COL5A2: variants seen among roughly 807,000 people sequenced by gnomAD.
COL5A2 encodes the protein collagen type V alpha 2 chain, also known as collagen alpha-2(V) chain.
Under a neutral mutation model 208.2 loss-of-function variants are expected in COL5A2, and 23 were observed. The observed-to-expected ratio is 0.11, with a 90% confidence interval of 0.08 to 0.16. The LOEUF (loss-of-function observed/expected upper bound fraction) is 0.16, where lower values mean the gene tolerates loss of function less well. Ranked by LOEUF, COL5A2 falls within the 10% of genes least tolerant of loss-of-function variation. COL5A2 has a pLI of 1.00. For missense variants in COL5A2, 1,590 were observed against 1,956.4 expected, an observed-to-expected ratio of 0.81 and a Z score of 3.53; for synonymous variants, 625 against 628.5, an observed-to-expected ratio of 0.99 and a Z score of 0.08.
At chr2:189,289,069 C>T in the COL5A2 span, among the ~76,000 whole-genome samples, 4 of 152,132 alleles carry the variant, frequency 2.6e-5, no homozygotes. Flanking sequence ...TGGCTGGGCA[C>T]GGTGGCTCAC....
intron 1 of COL5A2, among the ~76,000 whole-genome samples, chr2:189,223,070 AAGTC>A (rs750626092): frequency 2.9e-4 from 44 of 152,194 alleles, no homozygotes; most frequent in Admixed American, 2.6e-4. Flanking sequence ...GGTTTTGTCT[AAGTC>A]AGTCCAGCTA....
At chr2:189,090,968 A>C (rs55633056) in intron 7 of COL5A2, among the ~76,000 whole-genome samples, 20,153 of 152,188 alleles carry the variant, frequency 0.13, 1,347 homozygotes, top group Middle Eastern at 0.19. Flanking sequence ...GCCCATGGAT[A>C]TAAATAAATT....
At chr2:189,119,685 G>C (rs938823104) in intron 1 of COL5A2, among the ~76,000 whole-genome samples, 6 of 151,986 alleles carry the variant, frequency 3.9e-5, no homozygotes, top group Non-Finnish European at 5.9e-5. Flanking sequence ...CCTGTGGAAA[G>C]ATTTAAAGTT....
chr2:189,364,837 G>C, the COL5A2 span, among the ~76,000 whole-genome samples: 1 of 152,130 alleles, frequency 6.6e-6, no homozygotes, highest in Non-Finnish European at 1.5e-5. Context: ...AACAGAAAAA[G>C]ACTTCAGGTA....
chr2:189,402,685 T>C, the COL5A2 span, among the ~76,000 whole-genome samples: 1 of 152,194 alleles, frequency 6.6e-6, no homozygotes, highest in Non-Finnish European at 1.5e-5. Flanking sequence ...TCAGGTTTGT[T>C]GAGGATCAAA....
At chr2:189,152,912 A>T (rs73980167) in intron 1 of COL5A2, among the ~76,000 whole-genome samples, 42 of 152,316 alleles carry the variant, frequency 2.8e-4, no homozygotes, top group African/African-American at 1.0e-3. Flanking sequence ...GGCAGTTAAT[A>T]GTCTGCACTG....
the COL5A2 span, among the ~76,000 whole-genome samples, chr2:189,262,175 A>T: frequency 1.3e-5 from 2 of 152,142 alleles, no homozygotes; most frequent in African/African-American, 4.8e-5. Context: ...AAATGATTTC[A>T]TTCCTTTAGA....
intron 1 of COL5A2, among the ~76,000 whole-genome samples, chr2:189,222,898 C>T: frequency 6.6e-6 from 1 of 152,134 alleles, no homozygotes; most frequent in Admixed American, 6.6e-5. Flanking sequence ...AGCATTGGTC[C>T]TGAAAGCTAC....
chr2:189,329,873 C>T, the COL5A2 span, among the ~76,000 whole-genome samples: 3 of 149,436 alleles, frequency 2.0e-5, no homozygotes, highest in East Asian at 5.8e-4. Context: ...CTCACTCTAA[C>T]CAATACAAAA....
chr2:189,318,484 C>T, the COL5A2 span, among the ~76,000 whole-genome samples: 2 of 152,244 alleles, frequency 1.3e-5, no homozygotes, highest in South Asian at 2.1e-4. Flanking sequence ...TAAAAGGGGG[C>T]TAATTCATTG....
chr2:189,151,895 T>C (rs1223159385), intron 1 of COL5A2, among the ~76,000 whole-genome samples: 1 of 152,196 alleles, frequency 6.6e-6, no homozygotes, highest in Admixed American at 6.6e-5. Context: ...AACTATAGAG[T>C]TCACTTCAAA....
At chr2:189,136,973 T>C (rs1465837756) in intron 1 of COL5A2, among the ~76,000 whole-genome samples, 4 of 152,184 alleles carry the variant, frequency 2.6e-5, no homozygotes, top group Non-Finnish European at 4.4e-5. Flanking sequence ...TTCATCATTT[T>C]GAAAAATAGA....
chr2:189,406,843 A>G, the COL5A2 span, among the ~76,000 whole-genome samples: 1 of 152,124 alleles, frequency 6.6e-6, no homozygotes, highest in African/African-American at 2.4e-5. Flanking sequence ...AAGTACACAC[A>G]GAGAAATCAT....
In COL5A2 at chr2:189,055,892, T is replaced by A. The variant is rs183138322; in HGVS notation, c.2391+1081A>T. Among the ~76,000 whole-genome samples the A allele has an allele frequency of 6.2e-3, 949 of 152,350 alleles. 9 individuals are homozygous for A. The highest frequency in any genetic ancestry group is 0.021 in the African/African-American group (879 of 41,584). Reference sequence around the variant, plus strand: ...ATCGTTCCTATAAATAGTACTGCACTACTTATGCATTCCAGGACATCCATG... The same window carrying A: ...ATCGTTCCTATAAATAGTACTGCACAACTTATGCATTCCAGGACATCCATG... On this transcript the variant is annotated intron_variant, in intron 35 of 53. Transcript: ENST00000374866.
chr2:189,238,821 A>G, the COL5A2 span, among the ~76,000 whole-genome samples: 1 of 152,186 alleles, frequency 6.6e-6, no homozygotes, highest in East Asian at 1.9e-4. Context: ...ACTACTCTCC[A>G]CCTGGTTTCT....
In COL5A2 at chr2:189,045,821, A is replaced by G. The variant is rs543100007; in HGVS notation, c.3288T>C (p.Asp1096=). The part of the protein sequence containing the change: ...GTPGPVGAPG[D]AGQRGDPGSR... ...TTACCGGATCTCCTCTTTGTCCTGC[A>G]TCTCCTGGAGCACCCACAGGGCCAG... Residue 1096 remains aspartate (D), a synonymous_variant, in exon 46 of 54, where the codon GAT becomes GAC. Transcript: ENST00000374866. The G allele has an allele frequency of 1.2e-6, 2 of 1,614,128 alleles. No homozygotes were observed. The highest frequency in any genetic ancestry group is 1.7e-5 in the Admixed American group (1 of 60,022).
the COL5A2 span, chr2:189,312,088 T>G: frequency 1.3e-6 from 1 of 782,434 alleles, no homozygotes; most frequent in South Asian, 1.3e-5. Context: ...ATCTGCAGAA[T>G]GATGCTGGCA....
At chr2:189,051,509 G>T in intron 41 of COL5A2, 28 bp from the exon 42 acceptor site, 2 of 1,585,030 alleles carry the variant, frequency 1.3e-6, no homozygotes, top group Non-Finnish European at 1.7e-6. Flanking sequence ...GAAACACCAA[G>T]GAGGGCAAAA....
At chr2:189,161,931 G>A (rs1285942896) in intron 1 of COL5A2, among the ~76,000 whole-genome samples, 1 of 152,226 alleles carries the variant, frequency 6.6e-6, no homozygotes, top group African/African-American at 2.4e-5. Context: ...AGGTTTCAAA[G>A]AGGATGCACA....
Sources: gnomAD v4.1 joint callset for allele counts (sites outside exome capture counted in the v4.1 genomes callset) on GRCh38, gnomAD v4.1.1 for gene constraint, MANE v1.5 for transcripts, NCBI Gene and HGNC (gene_info 2026-07-23, HGNC 2026-07-21) for gene names.